The following PCDHGA4 variants were observed in gnomAD, a reference collection of about 807,000 sequenced individuals.
PCDHGA4 encodes the protein protocadherin gamma-A4.
PCDHGA4 carries 38 observed loss-of-function variants against 54.6 expected under a neutral mutation model. The observed-to-expected ratio is 0.70, with a 90% CI of 0.54 to 0.91. The LOEUF (loss-of-function observed/expected upper bound fraction) is 0.91, where lower values mean the gene tolerates loss of function less well. Among genes scored for constraint, PCDHGA4 ranks in the 40% least tolerant of loss-of-function variants. The probability of loss-of-function intolerance (pLI) is 0.00; values close to 1 mark genes in which losing one functional copy is unlikely to be tolerated. For missense variants in PCDHGA4, 1,298 were observed against 1,220.9 expected, an observed-to-expected ratio of 1.06 and a Z score of -0.94; for synonymous variants, 511 against 512.9, an observed-to-expected ratio of 1.00 and a Z score of 0.05.
At chr5:141,383,175 G>A in intron 1 of PCDHGA4, 1 of 1,614,114 alleles carries the variant, frequency 6.2e-7, no homozygotes, top group Non-Finnish European at 8.5e-7. Flanking sequence ...GGATAGACCG[G>A]GAAGAGATCT....
chr5:141,362,776 G>C (rs1407810350), intron 1 of PCDHGA4: 1 of 601,614 alleles, frequency 1.7e-6, no homozygotes, highest in Non-Finnish European at 2.8e-6. Flanking sequence ...ATATTGCACT[G>C]TATTTCTTTT....
intron 1 of PCDHGA4, chr5:141,415,677 C>T (rs375781400): frequency 4.7e-6 from 7 of 1,499,248 alleles, no homozygotes; most frequent in Middle Eastern, 1.8e-4. Flanking sequence ...TTGAAGTTTG[C>T]GGCATGATGG....
Position 141,485,432 on chromosome 5 carries a change from A to C in PCDHGA4, c.2515-9375A>C. The C allele has an allele frequency of 6.2e-7, 1 of 1,614,178 alleles. No individual in the cohort carries two copies. Among genetic ancestry groups the C allele is most frequent in the Non-Finnish European group, 8.5e-7 (1 of 1,180,028 alleles). ...TTTGGACAGCGGAGCCCTGCTCATC[A>C]AGAACCCAATCGACCGAGAGGCACT... On this transcript the variant is annotated intron_variant, in intron 1 of 3. Transcript: ENST00000571252. The surrounding 1 kb of genome is among the most constrained non-coding windows in gnomAD (Gnocchi z 5.7).
intron 1 of PCDHGA4, chr5:141,403,467 T>G: frequency 6.2e-7 from 1 of 1,614,020 alleles, no homozygotes; most frequent in Non-Finnish European, 8.5e-7. Context: ...AGCTACCAGC[T>G]CAGCCCCAAT....
Position 141,355,169 on chromosome 5 carries a change from C to T in PCDHGA4, c.62C>T (p.Pro21Leu), listed in dbSNP as rs753158485. 2.5e-6 allele frequency: 4 copies of T among 1,568,854 alleles called. No individual in the cohort carries two copies. The highest frequency in any genetic ancestry group is 3.5e-6 in the Non-Finnish European group (4 of 1,158,264). The change falls in exon 1 of 4, where the codon CCG (proline) becomes CTG (leucine). Residue 21 changes from proline (P) to leucine (L), a missense_variant. Pro to Leu is a moderately conservative substitution (Grantham distance 98). Coordinates refer to ENST00000571252, the MANE Select transcript of PCDHGA4 (RefSeq NM_018917.4). ...GAPQASTEGK[P>L]KHRRLRGGVV... Reference sequence around the variant, plus strand: ...CCTCAGGCCTCGACAGAGGGAAAACCGAAGCACAGGCGACTCCGCGGCGGG... The same window carrying T: ...CCTCAGGCCTCGACAGAGGGAAAACTGAAGCACAGGCGACTCCGCGGCGGG...
At position 141,489,886 on chromosome 5, in the gene PCDHGA4, G is replaced by A; in HGVS notation, c.2515-4921G>A. ...ACATCAGCTGGTGCTTACTGCTGTG[G>A]ATGGGGGGACCCCAGCCCGCTCAGG... is the stretch of plus-strand genomic sequence containing the variant. On this transcript the variant is annotated intron_variant, in intron 1 of 3. Transcript: ENST00000571252. This position sits in a 1 kb window ranked among gnomAD's most constrained non-coding sequence, Gnocchi z 4.5. 6.2e-7 allele frequency: 1 copy of A among 1,614,256 alleles called. No individual in the cohort carries two copies. The highest frequency in any genetic ancestry group is 8.5e-7 in the Non-Finnish European group (1 of 1,180,044).
intron 1 of PCDHGA4, chr5:141,427,310 C>A (rs989300491): frequency 2.2e-5 from 10 of 456,738 alleles, no homozygotes; most frequent in African/African-American, 1.8e-4. Flanking sequence ...ATGACAATGC[C>A]CCAGACGTGG....
Position 141,431,529 on chromosome 5 carries a change from T to C in PCDHGA4, c.2515-63278T>C, listed in dbSNP as rs145601545. 166 of 1,614,074 alleles carry C rather than the reference T, an allele frequency of 1.0e-4. No individual in the cohort carries two copies. In the African/African-American group the frequency reaches 2.0e-3, roughly 19 times the overall value. On this transcript the variant is annotated intron_variant, in intron 1 of 3. Coordinates refer to ENST00000571252, the MANE Select transcript of PCDHGA4 (RefSeq NM_018917.4). The surrounding 1 kb of genome is among the most constrained non-coding windows in gnomAD (Gnocchi z 4.8). The stretch of plus-strand genomic sequence containing the variant: ...GCGAGCGTTCCGGAGAATCTGGCCT[T>C]GGGCACGCAGCTGCTTGTAGTCAAC...
chr5:141,418,107 A>C, intron 1 of PCDHGA4: 1 of 1,614,036 alleles, frequency 6.2e-7, no homozygotes, highest in Non-Finnish European at 8.5e-7. Flanking sequence ...CAGAGCGGGG[A>C]CTTACTTGTG....
At chr5:141,430,633 C>T in intron 1 of PCDHGA4, 1 of 868,018 alleles carries the variant, frequency 1.2e-6, no homozygotes, top group Non-Finnish European at 1.7e-6. Context: ...ATGAACCATC[C>T]CTGGGAGTAT....
intron 1 of PCDHGA4, chr5:141,371,312 A>T (rs889882138): frequency 1.9e-6 from 3 of 1,613,910 alleles, no homozygotes; most frequent in African/African-American, 2.7e-5. Context: ...CTATTGGAGA[A>T]CTGGACTTTG....
intron 1 of PCDHGA4, among the ~76,000 whole-genome samples, chr5:141,457,612 G>T (rs1011626121): frequency 1.8e-4 from 27 of 152,232 alleles, no homozygotes; most frequent in Non-Finnish European, 2.9e-4. Flanking sequence ...AATTATGAAT[G>T]AACTTTAATC....
At chr5:141,455,860 ATTATTTATTTATTTATTTATTTAT>A (rs145569377) in intron 1 of PCDHGA4, among the ~76,000 whole-genome samples, 10 of 139,848 alleles carry the variant, frequency 7.2e-5, no homozygotes, top group Admixed American at 5.1e-4. Flanking sequence ...AATTTCTTTT[ATTATTTATTTATTTATTTATTTAT>A]TTATTTATTT....
At chr5:141,480,948 G>C (rs1288557779) in intron 1 of PCDHGA4, among the ~76,000 whole-genome samples, 1 of 152,138 alleles carries the variant, frequency 6.6e-6, no homozygotes, top group Non-Finnish European at 1.5e-5. Context: ...TAGAGGCTGA[G>C]GCGGAAGCAT....
At chr5:141,428,169 G>T (rs758370904) in intron 1 of PCDHGA4, 5 of 1,539,960 alleles carry the variant, frequency 3.2e-6, no homozygotes, top group South Asian at 2.2e-5. Context: ...GTTGCTGTGC[G>T]TGACGGAGGA....
chr5:141,477,814 G>C lies in PCDHGA4; in HGVS notation c.2515-16993G>C, dbSNP rs780195618. The C allele has an allele frequency of 1.2e-6, 2 of 1,614,110 alleles. No homozygotes were observed. The highest frequency in any genetic ancestry group is 1.1e-5 in the South Asian group (1 of 91,074). On this transcript the variant is annotated intron_variant, in intron 1 of 3. Coordinates refer to ENST00000571252, the MANE Select transcript of PCDHGA4 (RefSeq NM_018917.4). The surrounding 1 kb of genome is among the most constrained non-coding windows in gnomAD (Gnocchi z 4.9). ...CTGATCGCAATGACAATGCCCCCCA[G>C]GTCCTATATCCTCGGCCAGGTGGGA... is the stretch of plus-strand genomic sequence containing the variant.
At chr5:141,388,668 C>T in intron 1 of PCDHGA4, 1 of 1,613,882 alleles carries the variant, frequency 6.2e-7, no homozygotes, top group Non-Finnish European at 8.5e-7. Context: ...GACCACGGTG[C>T]TACAGGTGAC....
At chr5:141,360,942 G>A (rs778562389) in intron 1 of PCDHGA4, 11 of 1,613,828 alleles carry the variant, frequency 6.8e-6, no homozygotes, top group Non-Finnish European at 9.3e-6. Flanking sequence ...CCACCGACCG[G>A]GATGAAGGCA....
At position 141,357,578 on chromosome 5, in the gene PCDHGA4, T is replaced by G. The variant is rs1343240769; in HGVS notation, c.2471T>G (p.Ile824Arg). 11 of 1,614,084 alleles carry G rather than the reference T, an allele frequency of 6.8e-6. No individual in the cohort carries two copies. The highest frequency in any genetic ancestry group is 8.5e-6 in the Non-Finnish European group (10 of 1,180,040). The change falls in exon 1 of 4, where the codon ATA (isoleucine) becomes AGA (arginine). Residue 824 changes from isoleucine to arginine, a missense_variant. Physicochemically the swap from Ile to Arg is moderately conservative, Grantham distance 97. Transcript: ENST00000571252. ...TGTGAGAAAAGCGAGCCTCTTCTGATAACTCAGGATTTACTTGAAACAAAA... is the reference window on the plus strand; with the variant it reads ...TGTGAGAAAAGCGAGCCTCTTCTGAGAACTCAGGATTTACTTGAAACAAAA... ...ESCEKSEPLL[I>R]TQDLLETKGD...
Sources: allele counts gnomAD v4.1 joint callset (sites outside exome capture counted in the v4.1 genomes callset), GRCh38; gene constraint gnomAD v4.1.1; non-coding constraint Gnocchi (gnomAD v3.1); transcripts MANE v1.5; gene names NCBI Gene and HGNC (gene_info 2026-07-23, HGNC 2026-07-21).